The following ETFDH variants were observed in gnomAD, a reference collection of about 807,000 sequenced individuals.
The protein encoded by ETFDH is electron transfer flavoprotein-ubiquinone oxidoreductase, mitochondrial.
ETFDH carries 61 observed loss-of-function variants against 73.2 expected under a neutral mutation model. The observed-to-expected ratio is 0.83, with a 90% confidence interval of 0.68 to 1.03. The LOEUF is 1.03. ETFDH is among the 50% of genes least tolerant of loss of function. The pLI is 0.00. For synonymous variants in ETFDH, 243 were observed against 253.3 expected, an observed-to-expected ratio of 0.96 and a Z score of 0.39; for missense variants, 685 against 745.0, an observed-to-expected ratio of 0.92 and a Z score of 0.94.
intron 8 of ETFDH, among the ~76,000 whole-genome samples, 188 bp from the exon 9 acceptor site, chr4:158,698,788 TCCTTTTCTTTA>T (rs556168393): frequency 1.8e-3 from 267 of 152,368 alleles, no homozygotes; most frequent in African/African-American, 5.9e-3. Context: ...ACACATGCTA[TCCTTTTCTTTA>T]CCTTTTCTTT....
intron 5 of ETFDH, among the ~76,000 whole-genome samples, chr4:158,687,480 T>C (rs1162294256): frequency 6.6e-6 from 1 of 152,184 alleles, no homozygotes; most frequent in Non-Finnish European, 1.5e-5. Context: ...CTAGCTTAAA[T>C]ATTCTCAGTG....
chr4:158,674,243 T>C (rs559743788), intron 1 of ETFDH, among the ~76,000 whole-genome samples: 46 of 152,276 alleles, frequency 3.0e-4, no homozygotes, highest in South Asian at 1.9e-3. Context: ...CTTTTTTTTT[T>C]CCAAAATTGA....
In ETFDH at chr4:158,689,251, A is replaced by G. The variant is rs141603009; in HGVS notation, c.607-1097A>G. On this transcript the variant is annotated intron_variant, in intron 5 of 12. Coordinates refer to ENST00000511912, the MANE Select transcript of ETFDH (RefSeq NM_004453.4). ...AGGTCCCTGTATTATACTTGCTGCT[A>G]TAAATTTCTGTTTTCCTAACCCATA... Among the ~76,000 whole-genome samples, 256 of 152,256 alleles carry G rather than the reference A, an allele frequency of 1.7e-3. 1 individual carries two copies. Among genetic ancestry groups the G allele is most frequent in the African/African-American group, 5.8e-3 (243 of 41,542 alleles).
intron 8 of ETFDH, 36 bp from the exon 9 acceptor site, chr4:158,698,951 A>G (rs371863866): frequency 7.2e-7 from 1 of 1,392,574 alleles, no homozygotes; most frequent in Admixed American, 1.7e-5. Context: ...ATTTGAAATA[A>G]AAATGTCTAA....
chr4:158,708,241 T>C (rs1774688751), intron 12 of ETFDH, 123 bp from the exon 13 acceptor site: 2 of 673,192 alleles, frequency 3.0e-6, no homozygotes, highest in Non-Finnish European at 5.1e-6. Flanking sequence ...ATAATCTCTA[T>C]GGGTAAGCAT....
At chr4:158,672,542 C>G (rs765804176) in intron 1 of ETFDH, 52 bp downstream of exon 1, 9 of 1,578,048 alleles carry the variant, frequency 5.7e-6, no homozygotes, top group Non-Finnish European at 7.8e-6. Context: ...GCAAAAGGGA[C>G]AAGGCCGGTC....
chr4:158,694,023 C>T (rs1209880727), intron 6 of ETFDH, among the ~76,000 whole-genome samples: 1 of 152,126 alleles, frequency 6.6e-6, no homozygotes, highest in African/African-American at 2.4e-5. Context: ...TTCCTGATCA[C>T]TCAATCTAGA....
intron 7 of ETFDH, among the ~76,000 whole-genome samples, chr4:158,696,001 C>T (rs567526732): frequency 5.9e-5 from 9 of 151,952 alleles, no homozygotes; most frequent in Admixed American, 2.0e-4. Context: ...CCACATCCTA[C>T]GAAGAATTAT....
At chr4:158,691,323 T>A (rs182456939) in intron 6 of ETFDH, among the ~76,000 whole-genome samples, 108 of 152,290 alleles carry the variant, frequency 7.1e-4, no homozygotes, top group African/African-American at 2.4e-3. Context: ...GACATGTTTG[T>A]TTGTTTGTTT....
intron 2 of ETFDH, among the ~76,000 whole-genome samples, chr4:158,681,302 AAAAG>A (rs1485193011): frequency 1.3e-4 from 20 of 152,194 alleles, no homozygotes; most frequent in African/African-American, 4.6e-4. Flanking sequence ...AAAAATTTTA[AAAAG>A]AAAGAAACTT....
intron 6 of ETFDH, among the ~76,000 whole-genome samples, chr4:158,692,264 G>A (rs1227234388): frequency 2.0e-5 from 3 of 152,088 alleles, no homozygotes; most frequent in African/African-American, 7.2e-5. Context: ...GCCGGGCGTA[G>A]TGGCGCACGC....
At chr4:158,680,712 ATATTT>A (rs1182145309) in intron 2 of ETFDH, 105 bp downstream of exon 2, 2 of 1,013,208 alleles carry the variant, frequency 2.0e-6, no homozygotes, top group African/African-American at 3.2e-5. Flanking sequence ...ACATCTAATA[ATATTT>A]TGTGGCTTTA....
At chr4:158,687,756 C>A (rs1185199136) in intron 5 of ETFDH, among the ~76,000 whole-genome samples, 2 of 152,142 alleles carry the variant, frequency 1.3e-5, no homozygotes, top group African/African-American at 4.8e-5. Context: ...AAAATAAAAT[C>A]TTGGCCGGGC....
At chr4:158,678,103 C>T (rs1773756931) in intron 1 of ETFDH, among the ~76,000 whole-genome samples, 1 of 152,162 alleles carries the variant, frequency 6.6e-6, no homozygotes. Context: ...AGCTTCATGT[C>T]TTATGTAACC....
chr4:158,700,567 C>A (rs1774432685), intron 9 of ETFDH: 1 of 50,152 alleles, frequency 2.0e-5, no homozygotes, highest in African/African-American at 4.3e-5. Context: ...CACACACACA[C>A]ACACGCACAC....
intron 1 of ETFDH, among the ~76,000 whole-genome samples, chr4:158,677,215 C>T (rs549614924): frequency 6.8e-4 from 104 of 152,324 alleles, no homozygotes; most frequent in South Asian, 1.2e-3. Flanking sequence ...CCATGACCCA[C>T]GATACAGCCT....
At position 158,697,099 on chromosome 4, in the gene ETFDH, T is replaced by A. The variant is rs115922875; in HGVS notation, c.832-460T>A. On this transcript the variant is annotated intron_variant, in intron 7 of 12. Coordinates refer to ENST00000511912, the MANE Select transcript of ETFDH (RefSeq NM_004453.4). ...CACCTGTATTCTTTTTTATTATTTT[T>A]TTATTTTTTTTTTGAGACTGAGTCA... 4.4e-3 allele frequency among the ~76,000 whole-genome samples: 664 copies of A among 152,240 alleles called. 8 individuals are homozygous for A. Among genetic ancestry groups the A allele is most frequent in the African/African-American group, 0.015 (618 of 41,558 alleles).
intron 1 of ETFDH, among the ~76,000 whole-genome samples, chr4:158,674,305 T>C (rs1407210138): frequency 6.6e-6 from 1 of 152,142 alleles, no homozygotes; most frequent in Non-Finnish European, 1.5e-5. Flanking sequence ...ATATAGTTTT[T>C]TTGTTTTTTG....
Position 158,698,959 on chromosome 4 carries a change from T to A in ETFDH, c.973-28T>A, listed in dbSNP as rs376436247. The A allele has an allele frequency of 1.1e-5, 16 of 1,435,100 alleles. 1 individual carries two copies. Among genetic ancestry groups the A allele is most frequent in the Non-Finnish European group, 1.6e-5 (16 of 1,021,608 alleles). 88.9% of individuals were successfully genotyped at this position (1,435,100 alleles called of 1,614,324 possible). A position where few individuals can be genotyped will look rare whatever the true frequency, so the allele number is the denominator to read the frequency against. On this transcript the variant is annotated intron_variant, in intron 8 of 12. Transcript: ENST00000511912. ...TGATTTAATTTGAAATAAAAATGTCTAATTAAATATAAGTGTAAATTTTTA... is the reference window on the plus strand; with the variant it reads ...TGATTTAATTTGAAATAAAAATGTCAAATTAAATATAAGTGTAAATTTTTA...
Sources: gnomAD v4.1 joint callset for allele counts (sites outside exome capture counted in the v4.1 genomes callset) on GRCh38, gnomAD v4.1.1 for gene constraint, MANE v1.5 for transcripts, NCBI Gene and HGNC (gene_info 2026-07-23, HGNC 2026-07-21) for gene names.